The following DENND5A variants were observed in gnomAD, a reference collection of about 807,000 sequenced individuals.
DENND5A encodes the protein DENN domain containing 5A.
Under a neutral mutation model 140.3 loss-of-function variants are expected in DENND5A, and 64 were observed. The observed-to-expected ratio is 0.46, with a 90% CI of 0.37 to 0.56. DENND5A has a LOEUF of 0.56. Among genes scored for constraint, DENND5A ranks in the 20% least tolerant of loss-of-function variants. DENND5A has a pLI of 0.00. For missense variants in DENND5A, 1,292 were observed against 1,593.8 expected (o/e 0.81, Z 3.22); for synonymous variants, 605 against 607.7 (o/e 1.00, Z 0.07).
intron 1 of DENND5A, among the ~76,000 whole-genome samples, chr11:9,220,215 T>A (rs559967513): frequency 6.6e-6 from 1 of 152,200 alleles, no homozygotes; most frequent in African/African-American, 2.4e-5. Flanking sequence ...TTCTTATAAA[T>A]TGCAAAAAAT....
At chr11:9,174,574 T>A (rs897424043) in intron 8 of DENND5A, among the ~76,000 whole-genome samples, 1 of 150,106 alleles carries the variant, frequency 6.7e-6, no homozygotes, top group Non-Finnish European at 1.5e-5. Flanking sequence ...GCGGCACACA[T>A]CTACTGTCCT....
At chr11:9,226,361 A>T (rs938862911) in intron 1 of DENND5A, among the ~76,000 whole-genome samples, 9 of 152,174 alleles carry the variant, frequency 5.9e-5, no homozygotes, top group African/African-American at 2.2e-4. Flanking sequence ...AGAGCAATTA[A>T]ATGATCCTGT....
At chr11:9,140,905 T>C (rs1192676152) in intron 22 of DENND5A, among the ~76,000 whole-genome samples, 1 of 152,208 alleles carries the variant, frequency 6.6e-6, no homozygotes, top group Non-Finnish European at 1.5e-5. Flanking sequence ...GGAAGGCAGA[T>C]CACCTGAGGT....
chr11:9,255,700 G>A (rs1384254721), intron 1 of DENND5A, among the ~76,000 whole-genome samples: 1 of 151,962 alleles, frequency 6.6e-6, no homozygotes, highest in Non-Finnish European at 1.5e-5. Context: ...TCTGTCTCTA[G>A]TACAAAATAC....
intron 6 of DENND5A, 39 bp downstream of exon 6, chr11:9,180,728 A>C (rs1434785180): frequency 1.3e-6 from 2 of 1,589,170 alleles, no homozygotes; most frequent in African/African-American, 2.7e-5. Flanking sequence ...GCACCCTAGC[A>C]CAGATCACAC....
At chr11:9,257,427 T>C (rs983262331) in intron 1 of DENND5A, among the ~76,000 whole-genome samples, 1 of 132,718 alleles carries the variant, frequency 7.5e-6, no homozygotes, top group African/African-American at 2.7e-5. Context: ...ACAGACTCTG[T>C]CTCTTAAAAA....
In DENND5A at chr11:9,204,133, G is replaced by A. The variant is rs1849615916; in HGVS notation, c.476C>T (p.Ala159Val). Residue 159 changes from alanine to valine, a missense_variant, in exon 4 of 23, where the codon GCT becomes GTT. Around this residue, in one of 4 missense-constraint regions of DENND5A, gnomAD observed 566 missense variants for 650.4 expected, o/e 0.87. Transcript: ENST00000328194. ...GGGAGCATGTAGGACATCATACTCA[G>A]CATTGTGCATGTGGTAGAGGGTCTG... ...AMQTLYHMHNAEYDVLHAPPA... is the reference protein window; with the variant it reads ...AMQTLYHMHNVEYDVLHAPPA... 6.2e-7 allele frequency: 1 copy of A among 1,614,140 alleles called. No individual in the cohort carries two copies. The highest frequency in any genetic ancestry group is 1.1e-5 in the South Asian group (1 of 91,072).
chr11:9,262,902 C>G (rs549345387), intron 1 of DENND5A, among the ~76,000 whole-genome samples: 16 of 152,134 alleles, frequency 1.1e-4, no homozygotes, highest in Admixed American at 3.3e-4. Flanking sequence ...CCACCACGCC[C>G]GGCTAATTTT....
At chr11:9,174,862 A>G (rs1848497512) in intron 8 of DENND5A, among the ~76,000 whole-genome samples, 1 of 152,204 alleles carries the variant, frequency 6.6e-6, no homozygotes, top group Admixed American at 6.5e-5. Flanking sequence ...CTTAACTGCT[A>G]AAGGTTATCT....
At chr11:9,143,294 G>T in intron 20 of DENND5A, 109 bp downstream of exon 20, 1 of 958,598 alleles carries the variant, frequency 1.0e-6, no homozygotes, top group Non-Finnish European at 1.7e-6. Flanking sequence ...AAGACTCTAG[G>T]GTGTCCACAG....
chr11:9,235,527 G>A (rs959515206), intron 1 of DENND5A, among the ~76,000 whole-genome samples: 14 of 150,504 alleles, frequency 9.3e-5, no homozygotes, highest in African/African-American at 2.2e-4. Flanking sequence ...GCACGATGGC[G>A]GGCACCTGTA....
chr11:9,240,321 G>C (rs1305542056), intron 1 of DENND5A, among the ~76,000 whole-genome samples: 1 of 152,142 alleles, frequency 6.6e-6, no homozygotes, highest in African/African-American at 2.4e-5. Flanking sequence ...CTTGAACCCG[G>C]GAGGTGGAGG....
chr11:9,178,829 C>T (rs372720928), intron 7 of DENND5A, 29 bp downstream of exon 7: 111 of 1,580,388 alleles, frequency 7.0e-5, no homozygotes, highest in Non-Finnish European at 9.2e-5. Context: ...TCTCATTCCT[C>T]ACCACCTCCC....
At chr11:9,262,805 G>A (rs1038639856) in intron 1 of DENND5A, among the ~76,000 whole-genome samples, 4 of 151,798 alleles carry the variant, frequency 2.6e-5, no homozygotes, top group African/African-American at 9.7e-5. Context: ...GCAGTGGCGC[G>A]ATCTGGGCTC....
At chr11:9,253,443 T>C (rs1463372981) in intron 1 of DENND5A, among the ~76,000 whole-genome samples, 1 of 152,128 alleles carries the variant, frequency 6.6e-6, no homozygotes, top group Non-Finnish European at 1.5e-5. Flanking sequence ...CCCTGCCTGA[T>C]GGAGTCAAAT....
Position 9,144,983 on chromosome 11 carries a change from G to A in DENND5A, c.3122+12C>T, listed in dbSNP as rs188279472. The stretch of plus-strand genomic sequence containing the variant: ...CTTGCCCCTCTACCTTACAGCCTGA[G>A]GGTATACTTACTTGTAGGTATGTCC... On this transcript the variant is annotated intron_variant, in intron 18 of 22. Transcript: ENST00000328194. 560 of 1,581,190 alleles carry A rather than the reference G, an allele frequency of 3.5e-4. No individual in the cohort carries two copies. The African/African-American group carries it at 6.8e-3, about 19-fold the overall frequency.
intron 5 of DENND5A, among the ~76,000 whole-genome samples, chr11:9,183,366 T>A (rs1240308756): frequency 6.6e-6 from 1 of 152,176 alleles, no homozygotes; most frequent in African/African-American, 2.4e-5. Flanking sequence ...TAAATGTTAA[T>A]CAACATTTAT....
At chr11:9,163,276 C>T (rs914252158) in intron 11 of DENND5A, among the ~76,000 whole-genome samples, 2 of 152,106 alleles carry the variant, frequency 1.3e-5, no homozygotes, top group Non-Finnish European at 2.9e-5. Flanking sequence ...AATTACTAAA[C>T]AATACTATGC....
chr11:9,240,347 G>A (rs1224372048), intron 1 of DENND5A, among the ~76,000 whole-genome samples: 1 of 151,964 alleles, frequency 6.6e-6, no homozygotes, highest in African/African-American at 2.4e-5. Flanking sequence ...GTGAGCCAAG[G>A]TTGCACCATT....
Sources: gnomAD v4.1 joint callset for allele counts (sites outside exome capture counted in the v4.1 genomes callset) on GRCh38, gnomAD v4.1.1 for gene constraint, gnomAD v4.1.1 regional missense constraint, MANE v1.5 for transcripts, NCBI Gene and HGNC (gene_info 2026-07-23, HGNC 2026-07-21) for gene names.